EHHADH: variants seen among roughly 807,000 people sequenced by gnomAD.
EHHADH encodes peroxisomal bifunctional enzyme.
A neutral mutation model predicts 64.4 loss-of-function variants in EHHADH; 48 were observed. The ratio of observed to expected loss-of-function variants is 0.75; its 90% CI spans 0.59 to 0.95. The LOEUF (loss-of-function observed/expected upper bound fraction) is 0.95, where lower values mean the gene tolerates loss of function less well. Ranked by LOEUF, EHHADH falls within the 40% of genes least tolerant of loss-of-function variation. The pLI is 0.00. For synonymous variants in EHHADH, 308 were observed against 326.7 expected, an observed-to-expected ratio of 0.94 and a Z score of 0.62; for missense variants, 854 against 876.6, an observed-to-expected ratio of 0.97 and a Z score of 0.33.
intron 6 of EHHADH, among the ~76,000 whole-genome samples, chr3:185,200,566 T>C (rs1489514551): frequency 6.6e-6 from 1 of 152,222 alleles, no homozygotes; most frequent in African/African-American, 2.4e-5. Context: ...AAGCTTCATA[T>C]AGTTCTCTAA....
At chr3:185,202,113 G>A (rs1358181609) in intron 6 of EHHADH, among the ~76,000 whole-genome samples, 2 of 152,278 alleles carry the variant, frequency 1.3e-5, no homozygotes, top group African/African-American at 2.4e-5. Context: ...CAAGGTGGGC[G>A]GATCACCTGA....
chr3:185,200,718 T>C (rs62290778), intron 6 of EHHADH, among the ~76,000 whole-genome samples: 8,676 of 152,274 alleles, frequency 0.057, 326 homozygotes, highest in Admixed American at 0.083. Context: ...ATGTTTTAAA[T>C]GTTAGTTTTG....
intron 4 of EHHADH, among the ~76,000 whole-genome samples, chr3:185,222,820 T>C (rs1382345344): frequency 6.6e-6 from 1 of 152,238 alleles, no homozygotes; most frequent in African/African-American, 2.4e-5. Flanking sequence ...TTCATAAATA[T>C]TACATAGCAT....
At chr3:185,243,132 T>C (rs1178680676) in intron 2 of EHHADH, among the ~76,000 whole-genome samples, 1 of 152,214 alleles carries the variant, frequency 6.6e-6, no homozygotes, top group African/African-American at 2.4e-5. Flanking sequence ...AGACCTCCAG[T>C]TTCCCCAGTG....
intron 4 of EHHADH, among the ~76,000 whole-genome samples, chr3:185,222,207 C>T (rs920675400): frequency 7.9e-5 from 12 of 151,830 alleles, no homozygotes; most frequent in African/African-American, 2.4e-4. Flanking sequence ...TGGTGCCCCC[C>T]GCCCCCTGTT....
intron 5 of EHHADH, among the ~76,000 whole-genome samples, chr3:185,206,171 C>G (rs942046350): frequency 6.6e-6 from 1 of 151,964 alleles, no homozygotes; most frequent in Non-Finnish European, 1.5e-5. Flanking sequence ...CATACTGTGA[C>G]CCTAAAGCAA....
intron 4 of EHHADH, among the ~76,000 whole-genome samples, chr3:185,219,658 A>G (rs1208534410): frequency 1.3e-5 from 2 of 152,228 alleles, no homozygotes; most frequent in East Asian, 3.8e-4. Context: ...GTCAGAAGGA[A>G]GAAGACAGTG....
intron 6 of EHHADH, among the ~76,000 whole-genome samples, chr3:185,196,600 G>A (rs1577353176): frequency 6.6e-6 from 1 of 151,954 alleles, no homozygotes; most frequent in South Asian, 2.1e-4. Flanking sequence ...AAATCACGCC[G>A]TTGCACTCCA....
intron 2 of EHHADH, among the ~76,000 whole-genome samples, chr3:185,241,202 GTTGA>G (rs1181805933): frequency 3.9e-5 from 6 of 152,226 alleles, no homozygotes; most frequent in Non-Finnish European, 5.9e-5. Flanking sequence ...TTATCCACTC[GTTGA>G]TTGATGGGCA....
rs1719557819 is a variant in EHHADH at position 185,245,041 on chromosome 3, T to A, written c.178+3373A>T. 2.6e-5 allele frequency among the ~76,000 whole-genome samples: 4 copies of A among 152,208 alleles called. No homozygotes were observed. The South Asian group carries it at 8.3e-4, about 32-fold the overall frequency. On this transcript the variant is annotated intron_variant, in intron 2 of 6. Coordinates refer to ENST00000231887, the MANE Select transcript of EHHADH (RefSeq NM_001966.4). ...GGGTCAAGTATTTACTTGGTGAGAT[T>A]TCTGATTACTGATTGAATTTCTTTA...
At chr3:185,215,910 T>G in intron 5 of EHHADH, among the ~76,000 whole-genome samples, 1 of 152,268 alleles carries the variant, frequency 6.6e-6, no homozygotes, top group Non-Finnish European at 1.5e-5. Flanking sequence ...CATGTACATT[T>G]ATATTCTACA....
intron 5 of EHHADH, among the ~76,000 whole-genome samples, chr3:185,215,677 A>T (rs1718664422): frequency 6.6e-6 from 1 of 152,236 alleles, no homozygotes; most frequent in Non-Finnish European, 1.5e-5. Flanking sequence ...AGCTGGAAAA[A>T]ATAAAAACAA....
intron 4 of EHHADH, among the ~76,000 whole-genome samples, chr3:185,221,554 A>G (rs1480756048): frequency 5.3e-5 from 8 of 150,350 alleles, no homozygotes; most frequent in Non-Finnish European, 8.9e-5. Flanking sequence ...TTTAATGCAT[A>G]TAGCCTCATG....
In EHHADH at chr3:185,192,786, C is replaced by G; in HGVS notation, c.1612G>C (p.Gly538Arg). ...DVGWKSRKGQ[G>R]LTGPTLLPGT... is the part of the protein sequence containing the mutation. ...GGAAGCAATGTAGGTCCAGTAAGAC[C>G]TTGCCCCTTTCTAGATTTCCAGCCC... The change falls in exon 7 of 7, where the codon GGT becomes CGT. Residue 538 changes from glycine (G) to arginine (R), a missense_variant. Gly to Arg is a moderately radical substitution (Grantham distance 125). Coordinates refer to ENST00000231887, the MANE Select transcript of EHHADH (RefSeq NM_001966.4). The G allele has an allele frequency of 1.2e-6, 2 of 1,614,116 alleles. No individual in the cohort carries two copies. Among genetic ancestry groups the G allele is most frequent in the Non-Finnish European group, 1.7e-6 (2 of 1,180,028 alleles).
At position 185,192,999 on chromosome 3, in the gene EHHADH, T is replaced by C. The variant is rs765897611; in HGVS notation, c.1399A>G (p.Lys467Glu). Residue 467 changes from lysine (K) to glutamate (E), a missense_variant, in exon 7 of 7, where the codon AAA (lysine) becomes GAA (glutamate). Transcript: ENST00000231887. ...TTGCCTACAACGACTCCAATCTTTT[T>C]AATCTTTTTTGATAAGTTCATAACA... is the stretch of plus-strand genomic sequence containing the variant. Reference protein sequence around the residue: ...ATVMNLSKKIKKIGVVVGNCF... With the variant: ...ATVMNLSKKIEKIGVVVGNCF... 2 of 1,614,236 alleles carry C rather than the reference T, an allele frequency of 1.2e-6. No homozygotes were observed. The highest frequency in any genetic ancestry group is 1.7e-6 in the Non-Finnish European group (2 of 1,180,048).
At position 185,192,492 on chromosome 3, in the gene EHHADH, C is replaced by T. The variant is rs1049741731; in HGVS notation, c.1906G>A (p.Gly636Arg). ...TCTGGGCTAGCAGCTATCCCTTCTC[C>T]CAAGATACGGAATGCTTCATTGATA... ...SLINEAFRIL[G>R]EGIAASPEHI... Residue 636 changes from glycine (G) to arginine (R), a missense_variant, in exon 7 of 7, where the codon GGA becomes AGA. Transcript: ENST00000231887. The T allele has an allele frequency of 6.2e-7, 1 of 1,614,196 alleles. No individual in the cohort carries two copies. Among genetic ancestry groups the T allele is most frequent in the Non-Finnish European group, 8.5e-7 (1 of 1,180,040 alleles).
rs912982469 is a variant in EHHADH, at chr3:185,192,009, C to A, written c.*217G>T. 1 of 554,730 alleles carries A rather than the reference C, an allele frequency of 1.8e-6. No individual in the cohort carries two copies. Among genetic ancestry groups the A allele is most frequent in the Non-Finnish European group, 3.1e-6 (1 of 320,292 alleles). 34.4% of individuals were successfully genotyped at this position (554,730 alleles called of 1,614,324 possible). A position where few individuals can be genotyped will look rare whatever the true frequency, so the allele number is the denominator to read the frequency against. ...TTATGGTATTATATTCACACAAGTTCATGCATTGAATTTATCTGATAAGGA... is the reference window on the plus strand; with the variant it reads ...TTATGGTATTATATTCACACAAGTTAATGCATTGAATTTATCTGATAAGGA... On this transcript the variant is annotated 3_prime_UTR_variant, in exon 7 of 7. Transcript: ENST00000231887.
chr3:185,219,681 C>T (rs1241567792), intron 4 of EHHADH, among the ~76,000 whole-genome samples: 1 of 152,192 alleles, frequency 6.6e-6, no homozygotes. Flanking sequence ...ACATCGCTTG[C>T]TTTCTTGCCA....
intron 3 of EHHADH, among the ~76,000 whole-genome samples, chr3:185,232,933 G>T (rs1351278399): frequency 6.6e-6 from 1 of 152,120 alleles, no homozygotes; most frequent in Admixed American, 6.5e-5. Flanking sequence ...TCCAGATAAA[G>T]AAAAACTGAT....
Sources: allele counts gnomAD v4.1 joint callset (sites outside exome capture counted in the v4.1 genomes callset), GRCh38; gene constraint gnomAD v4.1.1; transcripts MANE v1.5; gene names NCBI Gene and HGNC (gene_info 2026-07-23, HGNC 2026-07-21).